Variants in PHLDB2 observed in about 807,000 individuals in gnomAD.
The protein encoded by PHLDB2 is pleckstrin homology-like domain family B member 2.
A neutral mutation model predicts 123.6 loss-of-function variants in PHLDB2; 71 were observed. The ratio of observed to expected loss-of-function variants is 0.57; its 90% CI spans 0.47 to 0.70. The LOEUF is 0.70. Among genes scored for constraint, PHLDB2 ranks in the 30% least tolerant of loss-of-function variants. PHLDB2 has a pLI of 0.00. For missense variants in PHLDB2, 1,446 were observed against 1,519.5 expected, an observed-to-expected ratio of 0.95 and a Z score of 0.80; for synonymous variants, 547 against 541.6, an observed-to-expected ratio of 1.01 and a Z score of -0.14.
intron 12 of PHLDB2, among the ~76,000 whole-genome samples, chr3:111,959,986 A>G (rs2071297690): frequency 6.6e-6 from 1 of 152,236 alleles, no homozygotes. Context: ...TTCATACTAC[A>G]AGGAAATATC....
intron 3 of PHLDB2, chr3:111,914,466 C>CAA (rs1359809507): frequency 5.2e-4 from 79 of 152,286 alleles, no homozygotes; most frequent in Middle Eastern, 6.8e-3. Context: ...GTTCTCCATA[C>CAA]ACTTGCCAAG....
chr3:111,872,986 C>T (rs1020841066), intron 1 of PHLDB2, among the ~76,000 whole-genome samples: 1 of 152,114 alleles, frequency 6.6e-6, no homozygotes, highest in Non-Finnish European at 1.5e-5. Flanking sequence ...GACCAATAAG[C>T]TTGAACTAAA....
intron 1 of PHLDB2, among the ~76,000 whole-genome samples, chr3:111,877,291 T>A (rs1276943459): frequency 6.6e-6 from 1 of 152,248 alleles, no homozygotes; most frequent in Non-Finnish European, 1.5e-5. Flanking sequence ...TTCTCATTGT[T>A]GTTTTGATTT....
chr3:111,974,449 C>T lies in PHLDB2; in HGVS notation c.3648C>T (p.Ser1216=), dbSNP rs376238680. The change falls in exon 18 of 18, where the codon AGC becomes AGT. Residue 1216 remains serine (S), a synonymous_variant. Transcript: ENST00000431670. ...GTCCTAATCCGTTACTCACCTTTAGCGTCAAGACTCATGACAGAATCTATT... is the reference window on the plus strand; with the variant it reads ...GTCCTAATCCGTTACTCACCTTTAGTGTCAAGACTCATGACAGAATCTATT... The part of the protein sequence containing the change: ...NKSPNPLLTF[S]VKTHDRIYYM... 20 of 1,611,834 alleles carry T rather than the reference C, an allele frequency of 1.2e-5. No homozygotes were observed. The highest frequency in any genetic ancestry group is 1.7e-5 in the Non-Finnish European group (20 of 1,178,874).
rs138340222 is a variant in PHLDB2, at chr3:111,959,866, C to T, written c.2873-2242C>T. 5.6e-3 allele frequency among the ~76,000 whole-genome samples: 849 copies of T among 152,256 alleles called. 4 individuals are homozygous for T. Among genetic ancestry groups the T allele is most frequent in the South Asian group, 0.027 (130 of 4,834 alleles). On this transcript the variant is annotated intron_variant, in intron 12 of 17. Transcript: ENST00000431670. ...ATTGCTTCATATGGGTTGGTTTTTC[C>T]TCAATGTGAAAACTCAGGGAGAGGA...
intron 1 of PHLDB2, among the ~76,000 whole-genome samples, chr3:111,796,510 G>C (rs2061166957): frequency 6.6e-6 from 1 of 152,082 alleles, no homozygotes; most frequent in Non-Finnish European, 1.5e-5. Flanking sequence ...ATTCTCCACA[G>C]AATAGCCAGT....
intron 1 of PHLDB2, among the ~76,000 whole-genome samples, chr3:111,877,998 T>G (rs2065725254): frequency 6.6e-6 from 1 of 152,218 alleles, no homozygotes; most frequent in African/African-American, 2.4e-5. Flanking sequence ...TGCCTCCAGC[T>G]TTGTTCTTTT....
Position 111,969,707 on chromosome 3 carries a change from C to A in PHLDB2, c.3333C>A (p.Arg1111=). Residue 1111 remains arginine, a synonymous_variant, in exon 16 of 18, where the codon CGC becomes CGA. Transcript: ENST00000431670. ...RQRAQARPLT[R]YLPVRKEDFD... The stretch of plus-strand genomic sequence containing the variant: ...TTTTCCAGGCTCGTCCTTTGACACG[C>A]TACCTGCCTGTCCGGAAGGAAGACT... 3.7e-6 allele frequency: 6 copies of A among 1,613,952 alleles called. No homozygotes were observed. Among genetic ancestry groups the A allele is most frequent in the Non-Finnish European group, 5.1e-6 (6 of 1,179,848 alleles).
intron 6 of PHLDB2, among the ~76,000 whole-genome samples, chr3:111,936,072 T>C (rs763741900): frequency 3.3e-5 from 5 of 152,260 alleles, no homozygotes; most frequent in Non-Finnish European, 7.3e-5. Context: ...TGAGCTGTTA[T>C]TACTGCAATT....
intron 1 of PHLDB2, among the ~76,000 whole-genome samples, chr3:111,760,163 T>C (rs1363412110): frequency 6.6e-6 from 1 of 152,246 alleles, no homozygotes; most frequent in Non-Finnish European, 1.5e-5. Context: ...CTGACTGATA[T>C]TCTTTCAGTA....
At chr3:111,780,666 C>T (rs1007794898) in intron 1 of PHLDB2, among the ~76,000 whole-genome samples, 6 of 151,978 alleles carry the variant, frequency 3.9e-5, no homozygotes, top group Non-Finnish European at 8.8e-5. Context: ...TAGAAAAGCA[C>T]ATTTAGAATT....
At chr3:111,780,280 GAA>G (rs1313081978) in intron 1 of PHLDB2, among the ~76,000 whole-genome samples, 1 of 2,836 alleles carries the variant, frequency 3.5e-4, no homozygotes, top group African/African-American at 6.8e-4. Context: ...AAAAGAAGAA[GAA>G]GAAGAAGAAG....
chr3:111,746,635 C>T (rs1473976440), intron 1 of PHLDB2, among the ~76,000 whole-genome samples: 1 of 152,024 alleles, frequency 6.6e-6, no homozygotes, highest in Non-Finnish European at 1.5e-5. Context: ...TGTGGTGGCA[C>T]ATATATGTAG....
At chr3:111,919,450 G>T (rs1255741182) in intron 4 of PHLDB2, among the ~76,000 whole-genome samples, 1 of 151,292 alleles carries the variant, frequency 6.6e-6, no homozygotes, top group Non-Finnish European at 1.5e-5. Flanking sequence ...TGTACTTTAT[G>T]AATCTCCAAC....
At chr3:111,801,548 G>A (rs902845032) in intron 1 of PHLDB2, among the ~76,000 whole-genome samples, 4 of 152,122 alleles carry the variant, frequency 2.6e-5, no homozygotes, top group African/African-American at 9.7e-5. Context: ...TGTCCCAAGA[G>A]CCTAGGACAA....
At chr3:111,835,315 A>G (rs2063347687) in intron 1 of PHLDB2, among the ~76,000 whole-genome samples, 1 of 152,210 alleles carries the variant, frequency 6.6e-6, no homozygotes. Context: ...CTATCAAGCC[A>G]TATTTCAACT....
intron 1 of PHLDB2, among the ~76,000 whole-genome samples, chr3:111,757,883 C>T (rs1382793707): frequency 6.6e-6 from 1 of 152,190 alleles, no homozygotes; most frequent in Non-Finnish European, 1.5e-5. Flanking sequence ...CACTGTTTGC[C>T]TCGGTATCTG....
chr3:111,939,577 C>T lies in PHLDB2; in HGVS notation c.2233C>T (p.Gln745Ter). 6.2e-7 allele frequency: 1 copy of T among 1,613,924 alleles called. No homozygotes were observed. Among genetic ancestry groups the T allele is most frequent in the Non-Finnish European group, 8.5e-7 (1 of 1,179,908 alleles). ...AGATGAAGAAAAGGAGAACTTGACT[C>T]AACAGCTCCTGCGTGAAGTTGCTGA... ...RLDEEKENLT[Q>*]QLLREVAEYQ... Residue 745 changes from glutamine (Q) to a stop codon, truncating the protein, a stop_gained, in exon 7 of 18, where the codon CAA becomes TAA. Transcript: ENST00000431670. LOFTEE classifies it high-confidence loss of function.
intron 16 of PHLDB2, among the ~76,000 whole-genome samples, chr3:111,972,093 T>G (rs967244013): frequency 6.6e-6 from 1 of 152,228 alleles, no homozygotes; most frequent in African/African-American, 2.4e-5. Context: ...AGTTTCCTTC[T>G]GCTTGCTTGA....
Sources: allele counts gnomAD v4.1 joint callset (sites outside exome capture counted in the v4.1 genomes callset), GRCh38; gene constraint gnomAD v4.1.1; transcripts MANE v1.5; gene names NCBI Gene and HGNC (gene_info 2026-07-23, HGNC 2026-07-21).